Variants in ADAMTSL3 observed in about 807,000 individuals in gnomAD.
ADAMTSL3 encodes ADAMTS like 3, also known as ADAMTS-like protein 3.
In ADAMTSL3, 128 loss-of-function variants were observed where a neutral mutation model predicts 201.7. That is an observed-to-expected ratio of 0.63 (90% confidence interval 0.55 to 0.73). The LOEUF (loss-of-function observed/expected upper bound fraction) is 0.73. ADAMTSL3 is among the 30% of genes least tolerant of loss of function. ADAMTSL3 has a pLI of 0.00. For missense variants in ADAMTSL3, 1,990 were observed against 2,119.6 expected (o/e 0.94, Z 1.20); for synonymous variants, 738 against 748.4 (o/e 0.99, Z 0.23).
chr15:83,671,435 T>G (rs886482344), intron 2 of ADAMTSL3, among the ~76,000 whole-genome samples: 2 of 152,220 alleles, frequency 1.3e-5, no homozygotes, highest in African/African-American at 4.8e-5. Context: ...AGAAGCCTTC[T>G]GGACAGCAAA....
chr15:83,885,542 C>T (rs979222020), intron 10 of ADAMTSL3, among the ~76,000 whole-genome samples: 1 of 151,674 alleles, frequency 6.6e-6, no homozygotes, highest in African/African-American at 2.4e-5. Flanking sequence ...TTTTAATTTT[C>T]TATGAAAAAT....
In ADAMTSL3 at chr15:83,899,749, T is replaced by C; in HGVS notation, c.1700+18T>C. 1.2e-6 allele frequency: 2 copies of C among 1,607,572 alleles called. No individual in the cohort carries two copies. The highest frequency in any genetic ancestry group is 1.7e-6 in the Non-Finnish European group (2 of 1,176,662). On this transcript the variant is annotated intron_variant, in intron 15 of 29. Transcript: ENST00000286744. ...GAACCAACGTGAGTCCAGGACCTTT[T>C]GTAGGAATAATCAGGGCATAGCCAG...
At chr15:83,873,161 G>A (rs943255159) in intron 9 of ADAMTSL3, among the ~76,000 whole-genome samples, 2 of 143,692 alleles carry the variant, frequency 1.4e-5, no homozygotes, top group Admixed American at 6.8e-5. Context: ...AAAAATAGCC[G>A]GACGTGGTGG....
intron 4 of ADAMTSL3, 102 bp from the exon 5 acceptor site, chr15:83,804,548 A>T: frequency 1.3e-6 from 1 of 756,734 alleles, no homozygotes; most frequent in Non-Finnish European, 2.1e-6. Flanking sequence ...TAAAAGTTTT[A>T]CAGGGAACCA....
chr15:83,829,717 G>A (rs1193390636), intron 6 of ADAMTSL3, among the ~76,000 whole-genome samples: 2 of 152,134 alleles, frequency 1.3e-5, no homozygotes, highest in African/African-American at 4.8e-5. Context: ...AGAGATTCTG[G>A]TATGTTGTGT....
intron 2 of ADAMTSL3, among the ~76,000 whole-genome samples, chr15:83,686,007 C>G (rs2061531400): frequency 2.5e-5 from 1 of 39,624 alleles, no homozygotes; most frequent in South Asian, 2.0e-3. Context: ...AGCTCGTCCT[C>G]CCTCCTCCTT....
intron 3 of ADAMTSL3, among the ~76,000 whole-genome samples, chr15:83,762,261 G>A (rs1406147147): frequency 6.6e-6 from 1 of 152,106 alleles, no homozygotes; most frequent in Admixed American, 6.5e-5. Flanking sequence ...CTGAAATACT[G>A]CAAAGTTCAC....
At chr15:83,778,592 T>A (rs982469196) in intron 4 of ADAMTSL3, among the ~76,000 whole-genome samples, 4 of 152,222 alleles carry the variant, frequency 2.6e-5, no homozygotes, top group African/African-American at 9.6e-5. Context: ...CCATCAGATC[T>A]GCCTTATAAG....
At chr15:83,821,668 C>T (rs1203377896) in intron 6 of ADAMTSL3, among the ~76,000 whole-genome samples, 5 of 152,120 alleles carry the variant, frequency 3.3e-5, no homozygotes, top group Non-Finnish European at 5.9e-5. Flanking sequence ...GGCAACCATC[C>T]GATTTCTCAA....
intron 3 of ADAMTSL3, among the ~76,000 whole-genome samples, chr15:83,743,999 T>A (rs773736190): frequency 6.6e-6 from 1 of 151,976 alleles, no homozygotes; most frequent in Non-Finnish European, 1.5e-5. Flanking sequence ...TACAGGTGCG[T>A]GCCACCACTC....
chr15:83,839,920 A>G (rs1268907648), intron 7 of ADAMTSL3, among the ~76,000 whole-genome samples: 1 of 152,176 alleles, frequency 6.6e-6, no homozygotes, highest in Non-Finnish European at 1.5e-5. Context: ...TCCAATGTCT[A>G]AGTATCTTTC....
intron 23 of ADAMTSL3, among the ~76,000 whole-genome samples, chr15:83,994,941 G>A (rs1352688349): frequency 6.6e-6 from 1 of 151,890 alleles, no homozygotes; most frequent in Non-Finnish European, 1.5e-5. Context: ...TATATTAGTT[G>A]TCAACATATG....
intron 7 of ADAMTSL3, among the ~76,000 whole-genome samples, chr15:83,848,907 T>A (rs2064554239): frequency 6.6e-6 from 1 of 152,174 alleles, no homozygotes; most frequent in Non-Finnish European, 1.5e-5. Context: ...ATTACCTCAT[T>A]GAACACTCAT....
chr15:83,688,530 A>G (rs1188411266), intron 2 of ADAMTSL3, among the ~76,000 whole-genome samples: 8 of 150,860 alleles, frequency 5.3e-5, no homozygotes, highest in African/African-American at 1.7e-4. Flanking sequence ...TTTTTTTTGC[A>G]ATTCTTAATT....
At chr15:83,763,105 T>C (rs1185330976) in intron 3 of ADAMTSL3, among the ~76,000 whole-genome samples, 1 of 152,170 alleles carries the variant, frequency 6.6e-6, no homozygotes, top group Non-Finnish European at 1.5e-5. Flanking sequence ...GCCAGGCTGG[T>C]CTCGAACTCT....
At chr15:83,902,752 C>T (rs938448904) in intron 15 of ADAMTSL3, among the ~76,000 whole-genome samples, 6 of 152,266 alleles carry the variant, frequency 3.9e-5, no homozygotes, top group East Asian at 1.9e-4. Flanking sequence ...CACTGACTTG[C>T]GGGCTGTTTC....
At chr15:83,720,759 G>A (rs1007825996) in intron 3 of ADAMTSL3, among the ~76,000 whole-genome samples, 2 of 152,254 alleles carry the variant, frequency 1.3e-5, no homozygotes, top group Admixed American at 1.3e-4. Context: ...TCTATTTTGT[G>A]TTCTAACTTG....
chr15:83,719,725 G>T (rs1596084342), intron 3 of ADAMTSL3, among the ~76,000 whole-genome samples: 1 of 152,058 alleles, frequency 6.6e-6, no homozygotes, highest in Admixed American at 6.5e-5. Flanking sequence ...TTGAAATCTT[G>T]CATAGTAAAA....
At chr15:84,020,199 G>A (rs2068172842) in intron 25 of ADAMTSL3, among the ~76,000 whole-genome samples, 1 of 152,094 alleles carries the variant, frequency 6.6e-6, no homozygotes, top group African/African-American at 2.4e-5. Flanking sequence ...AAATGCACAT[G>A]TCCTGCCTTG....
Sources: allele counts gnomAD v4.1 joint callset (sites outside exome capture counted in the v4.1 genomes callset), GRCh38; gene constraint gnomAD v4.1.1; transcripts MANE v1.5; gene names NCBI Gene and HGNC (gene_info 2026-07-23, HGNC 2026-07-21).